Variants in OCA2 observed in about 807,000 individuals in gnomAD.
OCA2 encodes the protein OCA2 melanosomal transmembrane protein, also known as P protein.
In OCA2, 77 loss-of-function variants were observed where a neutral mutation model predicts 100.2. The observed-to-expected ratio is 0.77, with a 90% CI of 0.64 to 0.93. The LOEUF is 0.93. Among genes scored for constraint, OCA2 ranks in the 40% least tolerant of loss-of-function variants. The probability of loss-of-function intolerance (pLI) is 0.00; values close to 1 mark genes in which losing one functional copy is unlikely to be tolerated. For synonymous variants in OCA2, 432 were observed against 439.2 expected, an observed-to-expected ratio of 0.98 and a Z score of 0.21; for missense variants, 1,062 against 1,089.1, an observed-to-expected ratio of 0.98 and a Z score of 0.35.
chr15:27,943,747 G>A (rs1225599642), intron 18 of OCA2, among the ~76,000 whole-genome samples: 1 of 151,154 alleles, frequency 6.6e-6, no homozygotes, highest in African/African-American at 2.4e-5. Flanking sequence ...ATTGATTCTG[G>A]GACTTTAGAT....
intron 15 of OCA2, among the ~76,000 whole-genome samples, chr15:27,963,384 T>C (rs1271244841): frequency 1.3e-5 from 2 of 152,208 alleles, no homozygotes; most frequent in East Asian, 1.9e-4. Context: ...CCACATTCTA[T>C]AGCCATACAA....
intron 2 of OCA2, among the ~76,000 whole-genome samples, chr15:28,036,390 G>C (rs1335139466): frequency 6.6e-6 from 1 of 152,124 alleles, no homozygotes; most frequent in Non-Finnish European, 1.5e-5. Context: ...CCCTGTTTCA[G>C]TTACAGGCAG....
At chr15:28,036,227 A>G (rs1359163696) in intron 2 of OCA2, among the ~76,000 whole-genome samples, 1 of 152,172 alleles carries the variant, frequency 6.6e-6, no homozygotes, top group African/African-American at 2.4e-5. Flanking sequence ...CACCTGGGTA[A>G]ATAACAAACA....
rs756163236 is a variant in OCA2, at chr15:28,024,878, G to A, written c.540C>T (p.Val180=). 36 of 1,614,130 alleles carry A rather than the reference G, an allele frequency of 2.2e-5. No homozygotes were observed. Among genetic ancestry groups the A allele is most frequent in the Non-Finnish European group, 3.1e-5 (36 of 1,180,048 alleles). The stretch of plus-strand genomic sequence containing the variant: ...GCACCACAAAGGCAAACAGGCCCAT[G>A]ACTTTCAGCCACTGCACACAGCGCC... ...KLRRCVQWLK[V]MGLFAFVVLC... Residue 180 remains valine, a synonymous_variant, in exon 5 of 24, where the codon GTC becomes GTT. Coordinates refer to ENST00000354638, the MANE Select transcript of OCA2 (RefSeq NM_000275.3).
At chr15:27,792,968 G>A (rs2033154886) in intron 23 of OCA2, among the ~76,000 whole-genome samples, 1 of 152,228 alleles carries the variant, frequency 6.6e-6, no homozygotes, top group African/African-American at 2.4e-5. Context: ...AACTTCAGAG[G>A]AGGGGCGGCC....
At chr15:27,908,239 G>A (rs1356892378) in intron 19 of OCA2, among the ~76,000 whole-genome samples, 1 of 152,036 alleles carries the variant, frequency 6.6e-6, no homozygotes, top group Non-Finnish European at 1.5e-5. Flanking sequence ...AAATTCATTA[G>A]TACCATACAC....
intron 2 of OCA2, among the ~76,000 whole-genome samples, chr15:28,050,822 C>T (rs1443036691): frequency 6.6e-6 from 1 of 152,088 alleles, no homozygotes. Context: ...GGCTCTTGGT[C>T]AGGAGCAGAC....
chr15:28,003,761 C>T (rs187484807), intron 9 of OCA2, among the ~76,000 whole-genome samples: 157 of 152,250 alleles, frequency 1.0e-3, no homozygotes, highest in Non-Finnish European at 1.3e-3. Flanking sequence ...TCGACGTCCA[C>T]GAGGGTGGCG....
At chr15:27,773,013 G>T (rs763343907) in intron 23 of OCA2, among the ~76,000 whole-genome samples, 3 of 151,740 alleles carry the variant, frequency 2.0e-5, no homozygotes, top group Non-Finnish European at 4.4e-5. Context: ...AATATTTTTG[G>T]CAATTAGAAC....
chr15:27,838,143 A>G (rs2035223796), intron 23 of OCA2, among the ~76,000 whole-genome samples: 1 of 152,168 alleles, frequency 6.6e-6, no homozygotes, highest in African/African-American at 2.4e-5. Flanking sequence ...AACCACATAC[A>G]ACACTCTATA....
At chr15:27,841,238 G>A (rs1223016587) in intron 23 of OCA2, among the ~76,000 whole-genome samples, 1 of 152,224 alleles carries the variant, frequency 6.6e-6, no homozygotes, top group East Asian at 1.9e-4. Flanking sequence ...TTCCATTTAT[G>A]TAGCATTCTT....
chr15:28,099,009 G>C (rs1486357476), intron 1 of OCA2: 1 of 153,976 alleles, frequency 6.5e-6, no homozygotes, highest in Non-Finnish European at 1.4e-5. Context: ...AGAGCCGGAG[G>C]GGGTGCTCAG....
chr15:28,073,329 G>A (rs941695654), intron 2 of OCA2, among the ~76,000 whole-genome samples: 10 of 152,230 alleles, frequency 6.6e-5, no homozygotes, highest in African/African-American at 2.4e-4. Context: ...CGAGGTAATC[G>A]CTTGAACCCG....
intron 11 of OCA2, among the ~76,000 whole-genome samples, chr15:27,987,595 G>C (rs1327316257): frequency 6.6e-6 from 1 of 151,756 alleles, no homozygotes; most frequent in Non-Finnish European, 1.5e-5. Context: ...TGGGTGGGGT[G>C]GCGGGCGCCT....
intron 19 of OCA2, among the ~76,000 whole-genome samples, chr15:27,893,534 T>C (rs1023428343): frequency 5.3e-5 from 8 of 152,168 alleles, no homozygotes; most frequent in Non-Finnish European, 8.8e-5. Flanking sequence ...TAAATTCTTT[T>C]CCTAGCAAGG....
intron 5 of OCA2, among the ~76,000 whole-genome samples, chr15:28,023,125 C>G (rs554466185): frequency 1.3e-5 from 2 of 152,284 alleles, no homozygotes; most frequent in Non-Finnish European, 2.9e-5. Flanking sequence ...CTGGCCCACC[C>G]TGCCCGGTTC....
chr15:28,078,812 T>G (rs942516591), intron 2 of OCA2, among the ~76,000 whole-genome samples: 1 of 152,232 alleles, frequency 6.6e-6, no homozygotes, highest in African/African-American at 2.4e-5. Context: ...TACCTGGCAA[T>G]AGATCCTGAA....
chr15:27,924,664 C>G (rs955535507), intron 19 of OCA2, among the ~76,000 whole-genome samples: 1 of 151,748 alleles, frequency 6.6e-6, no homozygotes, highest in African/African-American at 2.4e-5. Context: ...TAAAATAACT[C>G]AAAAACACAG....
chr15:27,868,349 G>A (rs1019757987), intron 21 of OCA2, among the ~76,000 whole-genome samples: 10 of 152,176 alleles, frequency 6.6e-5, no homozygotes, highest in African/African-American at 2.2e-4. Flanking sequence ...AGAAAATGTG[G>A]TATATGAATA....
Sources: allele counts gnomAD v4.1 joint callset (sites outside exome capture counted in the v4.1 genomes callset), GRCh38; gene constraint gnomAD v4.1.1; transcripts MANE v1.5; gene names NCBI Gene and HGNC (gene_info 2026-07-23, HGNC 2026-07-21).